ARHGAP26: variants seen among roughly 807,000 people sequenced by gnomAD.
ARHGAP26 encodes Rho GTPase activating protein 26.
In ARHGAP26, 38 loss-of-function variants were observed where a neutral mutation model predicts 104.8. The ratio of observed to expected loss-of-function variants is 0.36; its 90% CI spans 0.28 to 0.48. The LOEUF (loss-of-function observed/expected upper bound fraction) is 0.48. Ranked by LOEUF, ARHGAP26 falls within the 20% of genes least tolerant of loss-of-function variation. The pLI is 0.99. For synonymous variants in ARHGAP26, 341 were observed against 340.0 expected (o/e 1.00, Z -0.03); for missense variants, 704 against 947.9 (o/e 0.74, Z 3.38).
intron 19 of ARHGAP26, among the ~76,000 whole-genome samples, chr5:143,143,262 G>C (rs1349766844): frequency 6.6e-6 from 1 of 152,146 alleles, no homozygotes; most frequent in Non-Finnish European, 1.5e-5. Flanking sequence ...ATTTGGCTTG[G>C]CTCTGTGAGT....
chr5:142,970,284 G>T (rs1451764381), intron 11 of ARHGAP26, among the ~76,000 whole-genome samples: 1 of 152,208 alleles, frequency 6.6e-6, no homozygotes, highest in Admixed American at 6.5e-5. Context: ...TAAGGGTCAT[G>T]AAATGAAATA....
rs1811379997 is a variant in ARHGAP26, at chr5:143,222,957, T to A, written c.*511T>A. 4.3e-6 allele frequency: 1 copy of A among 233,198 alleles called. No homozygotes were observed. The highest frequency in any genetic ancestry group is 5.6e-5 in the Admixed American group (1 of 17,766). 14.4% of individuals were successfully genotyped at this position (233,198 alleles called of 1,614,324 possible). A position where few individuals can be genotyped will look rare whatever the true frequency, so the allele number is the denominator to read the frequency against. On this transcript the variant is annotated 3_prime_UTR_variant, in exon 23 of 23. Transcript: ENST00000645722. ...AAAGTGCTACAGGCAGCTGGATCTG[T>A]TTGCATGCAGGATGAAGAGGGTTAA...
chr5:142,939,370 C>G (rs1244220193), intron 11 of ARHGAP26, among the ~76,000 whole-genome samples: 1 of 152,212 alleles, frequency 6.6e-6, no homozygotes, highest in Non-Finnish European at 1.5e-5. Context: ...GGAAAAACCA[C>G]TCCTCTAGTA....
intron 17 of ARHGAP26, among the ~76,000 whole-genome samples, chr5:143,083,862 C>T (rs1790172287): frequency 6.6e-6 from 1 of 152,126 alleles, no homozygotes; most frequent in African/African-American, 2.4e-5. Context: ...CAGACTTATC[C>T]CTCTAATAAG....
chr5:143,037,376 C>CCATT, intron 13 of ARHGAP26, 115 bp downstream of exon 13: 2 of 762,198 alleles, frequency 2.6e-6, no homozygotes, highest in Middle Eastern at 2.5e-4. Context: ...TCCCCAAGTG[C>CCATT]CATTGTCAGT....
At chr5:142,863,395 C>T (rs553890544) in intron 1 of ARHGAP26, among the ~76,000 whole-genome samples, 1 of 152,324 alleles carries the variant, frequency 6.6e-6, no homozygotes, top group Admixed American at 6.5e-5. Flanking sequence ...GCGTGAGCCA[C>T]TGCGCCCGGC....
intron 19 of ARHGAP26, among the ~76,000 whole-genome samples, chr5:143,146,893 G>A (rs1039722296): frequency 3.9e-5 from 6 of 152,228 alleles, no homozygotes; most frequent in Admixed American, 3.9e-4. Flanking sequence ...GGTCTGTGGA[G>A]GCTTTTCTCT....
chr5:142,958,865 T>C (rs1290162465), intron 11 of ARHGAP26, among the ~76,000 whole-genome samples: 1 of 150,580 alleles, frequency 6.6e-6, no homozygotes, highest in Non-Finnish European at 1.5e-5. Flanking sequence ...AGCCAGGAGT[T>C]TGAGACCAGC....
intron 22 of ARHGAP26, among the ~76,000 whole-genome samples, chr5:143,221,870 G>A (rs1262681915): frequency 2.7e-5 from 4 of 150,222 alleles, no homozygotes. Context: ...AGTCTTCCAT[G>A]GGCACTGCAC....
At chr5:142,803,755 G>C in intron 1 of ARHGAP26, among the ~76,000 whole-genome samples, 1 of 152,168 alleles carries the variant, frequency 6.6e-6, no homozygotes, top group Non-Finnish European at 1.5e-5. Flanking sequence ...GGCTTTAATA[G>C]CAGGTAGGAA....
chr5:142,939,395 T>C (rs1348501486), intron 11 of ARHGAP26, among the ~76,000 whole-genome samples: 1 of 152,224 alleles, frequency 6.6e-6, no homozygotes, highest in Non-Finnish European at 1.5e-5. Flanking sequence ...ACAATGTTAC[T>C]TCCTTCTGCT....
chr5:143,202,300 A>G (rs964886488), intron 20 of ARHGAP26: 9 of 151,730 alleles, frequency 5.9e-5, no homozygotes, highest in Non-Finnish European at 1.3e-4. Flanking sequence ...AATTGAAGTG[A>G]ACTGCCATTC....
rs184923695 is a variant in ARHGAP26 at position 143,097,754 on chromosome 5, G to A, written c.1539-23234G>A. 5.6e-3 allele frequency among the ~76,000 whole-genome samples: 841 copies of A among 149,126 alleles called. 26 individuals are homozygous for A. The East Asian group carries it at 0.076, about 13-fold the overall frequency. On this transcript the variant is annotated intron_variant, in intron 17 of 22. Transcript: ENST00000645722. ...GGAGAATGGCATGAACCTGGGAGGC[G>A]GAGCTTGCAGTGAGCCAAGATTGCG...
intron 20 of ARHGAP26, among the ~76,000 whole-genome samples, chr5:143,157,579 C>A (rs1800648538): frequency 6.6e-6 from 1 of 152,202 alleles, no homozygotes; most frequent in South Asian, 2.1e-4. Flanking sequence ...GACCATAGTA[C>A]ATGATTTCTA....
At chr5:142,827,669 A>C (rs1013694155) in intron 1 of ARHGAP26, among the ~76,000 whole-genome samples, 12 of 152,128 alleles carry the variant, frequency 7.9e-5, no homozygotes, top group Non-Finnish European at 1.6e-4. Context: ...CTATTGAGTT[A>C]ATGTGGGAGT....
chr5:142,950,522 C>G (rs1435934471), intron 11 of ARHGAP26, among the ~76,000 whole-genome samples: 1 of 151,966 alleles, frequency 6.6e-6, no homozygotes, highest in Non-Finnish European at 1.5e-5. Flanking sequence ...ATTCCTGGTT[C>G]ACACAAGAAA....
chr5:143,071,865 A>C (rs1242175991), intron 17 of ARHGAP26, among the ~76,000 whole-genome samples: 1 of 152,212 alleles, frequency 6.6e-6, no homozygotes, highest in Non-Finnish European at 1.5e-5. Flanking sequence ...AGATTGCTCC[A>C]CTGCACTCCA....
chr5:142,937,788 TC>T (rs1765653692), intron 11 of ARHGAP26, among the ~76,000 whole-genome samples: 2 of 143,306 alleles, frequency 1.4e-5, no homozygotes, highest in Admixed American at 7.2e-5. Context: ...AAGGCCAGTC[TC>T]AAAAAAAAAT....
chr5:142,820,399 A>C (rs1765904938), intron 1 of ARHGAP26, among the ~76,000 whole-genome samples: 1 of 152,190 alleles, frequency 6.6e-6, no homozygotes, highest in African/African-American at 2.4e-5. Flanking sequence ...CTGATCAGTC[A>C]TTTTGTGGTT....
Sources: gnomAD v4.1 joint callset for allele counts (sites outside exome capture counted in the v4.1 genomes callset) on GRCh38, gnomAD v4.1.1 for gene constraint, MANE v1.5 for transcripts, NCBI Gene and HGNC (gene_info 2026-07-23, HGNC 2026-07-21) for gene names.